The following ZNF700 variants were observed in gnomAD, a reference collection of about 807,000 sequenced individuals.
The protein encoded by ZNF700 is zinc finger protein 700.
In ZNF700, 38 loss-of-function variants were observed where a neutral mutation model predicts 65.3. The observed-to-expected ratio is 0.58, with a 90% CI of 0.45 to 0.76. The LOEUF (loss-of-function observed/expected upper bound fraction) is 0.76. ZNF700 is among the 30% of genes least tolerant of loss of function. The pLI, the probability that ZNF700 is intolerant of heterozygous loss-of-function variation, is 0.00. For missense variants in ZNF700, 857 were observed against 888.4 expected (o/e 0.96, Z 0.45); for synonymous variants, 285 against 290.4 (o/e 0.98, Z 0.19).
chr19:11,949,171 A>C lies in ZNF700; in HGVS notation c.1147A>C (p.Thr383Pro). 6.2e-7 allele frequency: 1 copy of C among 1,612,438 alleles called. No individual in the cohort carries two copies. ...SAKSFQTHEK[T>P]HTGEKRYKCK... ...CAAGTCATTTCAAACACATGAAAAA[A>C]CTCACACTGGAGAGAAACGCTATAA... Residue 383 changes from threonine to proline, a missense_variant, in exon 4 of 4, where the codon ACT becomes CCT. By Grantham distance (38) the Thr-to-Pro change is conservative. Transcript: ENST00000254321.
At chr19:11,940,268 A>G (rs1857177741) in intron 1 of ZNF700, among the ~76,000 whole-genome samples, 1 of 152,056 alleles carries the variant, frequency 6.6e-6, no homozygotes, top group African/African-American at 2.4e-5. Context: ...ATTTCAATGT[A>G]TTGTGTCCGG....
In ZNF700 at chr19:11,945,958, A is replaced by G. The variant is rs369360553; in HGVS notation, c.64-1223A>G. ...GACTCGTGTGGCTTCGATTATATCAATAGTCTTTTTGGATAAGGGGGTGAC... is the reference window on the plus strand; with the variant it reads ...GACTCGTGTGGCTTCGATTATATCAGTAGTCTTTTTGGATAAGGGGGTGAC... On this transcript the variant is annotated intron_variant, in intron 1 of 3. Transcript: ENST00000254321. Among the ~76,000 whole-genome samples, 7 of 152,098 alleles carry G rather than the reference A, an allele frequency of 4.6e-5. No homozygotes were observed. The South Asian group carries it at 1.0e-3, about 22-fold the overall frequency.
intron 1 of ZNF700, among the ~76,000 whole-genome samples, chr19:11,944,439 A>T (rs1357843164): frequency 6.6e-6 from 1 of 152,158 alleles, no homozygotes; most frequent in African/African-American, 2.4e-5. Flanking sequence ...TGAGGTTGGT[A>T]GGCAGCATGC....
intron 1 of ZNF700, among the ~76,000 whole-genome samples, chr19:11,929,011 C>A (rs1031124736): frequency 6.8e-6 from 1 of 148,042 alleles, no homozygotes; most frequent in Non-Finnish European, 1.5e-5. Flanking sequence ...TTTTACAAAA[C>A]GCTATAGGTA....
rs8113614 is a variant in ZNF700 at position 11,929,295 on chromosome 19, T to C, written c.63+4022T>C. ...TCTCCTGCCTCAGCCTCCCAAGTAGTTGGGATTACAGACATGTGCCACCAC... is the reference window on the plus strand; with the variant it reads ...TCTCCTGCCTCAGCCTCCCAAGTAGCTGGGATTACAGACATGTGCCACCAC... On this transcript the variant is annotated intron_variant, in intron 1 of 3. Transcript: ENST00000254321. 1.8e-3 allele frequency among the ~76,000 whole-genome samples: 273 copies of C among 148,122 alleles called. 37 individuals are homozygous for C. The highest frequency in any genetic ancestry group is 6.8e-3 in the African/African-American group (256 of 37,890).
chr19:11,940,046 C>T lies in ZNF700; in HGVS notation c.64-7135C>T, dbSNP rs1282618673. On this transcript the variant is annotated intron_variant, in intron 1 of 3. Coordinates refer to ENST00000254321, the MANE Select transcript of ZNF700 (RefSeq NM_144566.3). ...TTTCAGGTTCAAGCAATTCTCCTGT[C>T]TCAGCCTCCTGAGTAGCTGGGATTA... The T allele has an allele frequency of 4.0e-5, 6 of 151,654 alleles. No individual in the cohort carries two copies. The East Asian group carries it at 1.2e-3, about 30-fold the overall frequency. 9.4% of individuals were successfully genotyped at this position (151,654 alleles called of 1,614,324 possible). A position where few individuals can be genotyped will look rare whatever the true frequency, so the allele number is the denominator to read the frequency against.
At chr19:11,934,951 C>G (rs1048744360) in intron 1 of ZNF700, among the ~76,000 whole-genome samples, 1 of 147,106 alleles carries the variant, frequency 6.8e-6, no homozygotes, top group Non-Finnish European at 1.5e-5. Flanking sequence ...GAGGCCAAGG[C>G]GGGTGGATCA....
Position 11,925,216 on chromosome 19 carries a change from C to G in ZNF700, c.6C>G (p.Pro2=). Residue 2 remains proline, a synonymous_variant, in exon 1 of 4, where the codon CCC becomes CCG. Transcript: ENST00000254321. ...GTCGCTCTGTCGCCTGCGCTATGCC[C>G]TGCTGTAGTCACAGGAGCTGTAGAG... The part of the protein sequence containing the change: M[P]CCSHRSCRED... 3 of 1,612,838 alleles carry G rather than the reference C, an allele frequency of 1.9e-6. No individual in the cohort carries two copies. Among genetic ancestry groups the G allele is most frequent in the Non-Finnish European group, 2.5e-6 (3 of 1,179,148 alleles).
intron 1 of ZNF700, among the ~76,000 whole-genome samples, chr19:11,929,306 G>T (rs1451643041): frequency 6.8e-6 from 1 of 148,134 alleles, no homozygotes. Flanking sequence ...TGGGATTACA[G>T]ACATGTGCCA....
intron 1 of ZNF700, among the ~76,000 whole-genome samples, chr19:11,929,007 A>G (rs1972676384): frequency 6.7e-6 from 1 of 148,300 alleles, no homozygotes; most frequent in South Asian, 2.1e-4. Flanking sequence ...AACATTTTAC[A>G]AAACGCTATA....
At chr19:11,936,238 T>C (rs1036202729) in intron 1 of ZNF700, among the ~76,000 whole-genome samples, 19 of 152,350 alleles carry the variant, frequency 1.2e-4, no homozygotes, top group Middle Eastern at 3.4e-3. Flanking sequence ...GTATTTCTAG[T>C]TCTAGATCCT....
In ZNF700 at chr19:11,937,074, GTTTTAC is replaced by G. The variant is rs146491202; in HGVS notation, c.64-10103_64-10098del. Among the ~76,000 whole-genome samples the G allele has an allele frequency of 9.3e-4, 141 of 152,244 alleles. 2 individuals carry two copies. The highest frequency in any genetic ancestry group is 3.2e-3 in the African/African-American group (132 of 41,546). Reference sequence around the variant, plus strand: ...ATCTGTTTTGGTCCCAGTACTGACAGTTTTACTTTGAAGTCCAATTTATCGATTTTC... The same window carrying G: ...ATCTGTTTTGGTCCCAGTACTGACAGTTTGAAGTCCAATTTATCGATTTTC... On this transcript the variant is annotated intron_variant, in intron 1 of 3. Transcript: ENST00000254321.
rs746112989 is a variant in ZNF700 at position 11,949,735 on chromosome 19, A to C, written c.1711A>C (p.Lys571Gln). ...EKPYECKQCG[K>Q]AFRSASHLRM... Reference sequence around the variant, plus strand: ...ACCCTATGAGTGTAAGCAATGTGGGAAAGCCTTCAGATCTGCCTCACACCT... The same window carrying C: ...ACCCTATGAGTGTAAGCAATGTGGGCAAGCCTTCAGATCTGCCTCACACCT... Residue 571 changes from lysine (K) to glutamine (Q), a missense_variant, in exon 4 of 4, where the codon AAA becomes CAA. By Grantham distance (53) the Lys-to-Gln change is moderately conservative. Coordinates refer to ENST00000254321, the MANE Select transcript of ZNF700 (RefSeq NM_144566.3). The C allele has an allele frequency of 6.2e-7, 1 of 1,614,072 alleles. No individual in the cohort carries two copies. The highest frequency in any genetic ancestry group is 1.3e-5 in the African/African-American group (1 of 75,006).
At chr19:11,942,396 T>C (rs1221994991) in intron 1 of ZNF700, among the ~76,000 whole-genome samples, 1 of 152,012 alleles carries the variant, frequency 6.6e-6, no homozygotes, top group Non-Finnish European at 1.5e-5. Flanking sequence ...TGACAGGTGC[T>C]ACAGACCCAC....
At chr19:11,938,377 C>G (rs542550101) in intron 1 of ZNF700, among the ~76,000 whole-genome samples, 8 of 152,206 alleles carry the variant, frequency 5.3e-5, no homozygotes, top group African/African-American at 1.9e-4. Flanking sequence ...TATGCTATCC[C>G]TCTCCCTTCC....
chr19:11,950,082 A>G lies in ZNF700; in HGVS notation c.2058A>G (p.Thr686=), dbSNP rs1263878824. 6.2e-7 allele frequency: 1 copy of G among 1,614,246 alleles called. No homozygotes were observed. Among genetic ancestry groups the G allele is most frequent in the African/African-American group, 1.3e-5 (1 of 75,068 alleles). Residue 686 remains threonine, a synonymous_variant, in exon 4 of 4, where the codon ACA becomes ACG. Transcript: ENST00000254321. Reference sequence around the variant, plus strand: ...GTAAGCATTGTGGGAATGGATTCACATCTGCCAAGATTCTTCAAATACATG... The same window carrying G: ...GTAAGCATTGTGGGAATGGATTCACGTCTGCCAAGATTCTTCAAATACATG... The part of the protein sequence containing the change: ...YECKHCGNGF[T]SAKILQIHAR...
intron 1 of ZNF700, among the ~76,000 whole-genome samples, chr19:11,934,937 T>A (rs1284141853): frequency 6.8e-6 from 1 of 147,354 alleles, no homozygotes; most frequent in African/African-American, 2.7e-5. Flanking sequence ...TCCCAGCACT[T>A]TGGGAGGCCA....
rs775067868 is a variant in ZNF700 at position 11,950,105 on chromosome 19, A to C, written c.2081A>C (p.His694Pro). 6.2e-7 allele frequency: 1 copy of C among 1,614,234 alleles called. No individual in the cohort carries two copies. Among genetic ancestry groups the C allele is most frequent in the South Asian group, 1.1e-5 (1 of 91,088 alleles). Residue 694 changes from histidine to proline, a missense_variant, in exon 4 of 4, where the codon CAT becomes CCT. Coordinates refer to ENST00000254321, the MANE Select transcript of ZNF700 (RefSeq NM_144566.3). ...GFTSAKILQIHARTHIGEKHY... is the reference protein window; with the variant it reads ...GFTSAKILQIPARTHIGEKHY... ...ACATCTGCCAAGATTCTTCAAATAC[A>C]TGCAAGAACACACATTGGAGAGAAA...
chr19:11,934,884 AT>A (rs1972766263), intron 1 of ZNF700, among the ~76,000 whole-genome samples: 1 of 147,540 alleles, frequency 6.8e-6, no homozygotes, highest in South Asian at 2.1e-4. Flanking sequence ...TATGTTTGCC[AT>A]AATTACAGTC....
Sources: allele counts gnomAD v4.1 joint callset (sites outside exome capture counted in the v4.1 genomes callset), GRCh38; gene constraint gnomAD v4.1.1; transcripts MANE v1.5; gene names NCBI Gene and HGNC (gene_info 2026-07-23, HGNC 2026-07-21).